Variants in KRT86 observed in about 807,000 individuals in gnomAD.
KRT86 encodes the protein keratin 86, also known as keratin, type II cuticular Hb6.
A neutral mutation model predicts 41.2 loss-of-function variants in KRT86; 30 were observed. The ratio of observed to expected loss-of-function variants is 0.73; its 90% CI spans 0.54 to 0.99. KRT86 has a LOEUF of 0.99. KRT86 is among the 50% of genes least tolerant of loss of function. KRT86 has a pLI of 0.00. For missense variants in KRT86, 561 were observed against 571.4 expected, an observed-to-expected ratio of 0.98 and a Z score of 0.19; for synonymous variants, 238 against 238.1, an observed-to-expected ratio of 1.00 and a Z score of 0.00.
At chr12:52,277,100 A>T (rs1045307433) in intron 2 of KRT86, among the ~76,000 whole-genome samples, 46 of 152,264 alleles carry the variant, frequency 3.0e-4, no homozygotes, top group African/African-American at 1.1e-3. Flanking sequence ...TTTCCTCCTG[A>T]AGAGTATAAA....
chr12:52,305,603 A>G (rs1399087277), intron 7 of KRT86, 60 bp from the exon 8 acceptor site: 6 of 1,613,588 alleles, frequency 3.7e-6, no homozygotes, highest in African/African-American at 2.7e-5. Flanking sequence ...ATCATCTGTC[A>G]TGCCCTGAAT....
chr12:52,286,465 C>T, intron 2 of KRT86: 1 of 1,552,466 alleles, frequency 6.4e-7, no homozygotes, highest in Non-Finnish European at 8.7e-7. Context: ...GGTCCCCGCA[C>T]ACGACCCCGC....
intron 2 of KRT86, among the ~76,000 whole-genome samples, chr12:52,300,820 G>A (rs1481091046): frequency 1.3e-5 from 2 of 152,224 alleles, no homozygotes; most frequent in African/African-American, 2.4e-5. Flanking sequence ...ATGCATAACA[G>A]TGGTGCTCAT....
At chr12:52,299,794 G>T (rs1329702294) in intron 2 of KRT86, among the ~76,000 whole-genome samples, 1 of 152,136 alleles carries the variant, frequency 6.6e-6, no homozygotes, top group South Asian at 2.1e-4. Context: ...AGATTATTTG[G>T]TTTACTTGCT....
At chr12:52,288,844 G>C (rs1489788530) in intron 2 of KRT86, among the ~76,000 whole-genome samples, 6 of 151,864 alleles carry the variant, frequency 4.0e-5, no homozygotes, top group Non-Finnish European at 7.4e-5. Flanking sequence ...CCCTGGGATT[G>C]TGTCTCTGCC....
At chr12:52,286,971 C>T (rs1016878787) in intron 2 of KRT86, 2 of 1,558,746 alleles carry the variant, frequency 1.3e-6, no homozygotes, top group Non-Finnish European at 1.8e-6. Context: ...CACACCAGCC[C>T]TCCCCACACC....
chr12:52,275,791 T>C (rs1448882569), intron 1 of KRT86, 30 bp from the exon 2 acceptor site: 4 of 982,320 alleles, frequency 4.1e-6, no homozygotes, highest in African/African-American at 1.7e-5. Flanking sequence ...ACCTCCTGAC[T>C]ACAGCTCCCC....
rs4076515 is a variant in KRT86 at position 52,308,712 on chromosome 12, C to G, written c.*127C>G. The G allele has an allele frequency of 3.4e-6, 3 of 877,026 alleles. No individual in the cohort carries two copies. In the South Asian group the frequency reaches 4.8e-5, roughly 14 times the overall value. The allele number at this position is 877,026 out of a possible 1,614,324, so 54.3% of individuals were successfully genotyped here. A position where few individuals can be genotyped will look rare whatever the true frequency, so the allele number is the denominator to read the frequency against. ...CGCCCGCTGCCTGCACTCTAAGCGC[C>G]CTCCCCACCGCTCCGCTCCGGGAGC... On this transcript the variant is annotated 3_prime_UTR_variant, in exon 11 of 11. Coordinates refer to ENST00000423955, the MANE Select transcript of KRT86 (RefSeq NM_001320198.2).
chr12:52,293,533 G>A (rs1012408073), intron 2 of KRT86, among the ~76,000 whole-genome samples: 4 of 152,178 alleles, frequency 2.6e-5, no homozygotes, highest in African/African-American at 9.7e-5. Context: ...CAGAGTCAGA[G>A]TGGATTGGGA....
At chr12:52,277,431 C>G (rs1344159043) in intron 2 of KRT86, 1 of 152,240 alleles carries the variant, frequency 6.6e-6, no homozygotes, top group Non-Finnish European at 1.5e-5. Flanking sequence ...AGCCTCAGAG[C>G]AAGGTCTGGA....
chr12:52,300,398 C>T (rs1053843208), intron 2 of KRT86, among the ~76,000 whole-genome samples: 2 of 152,172 alleles, frequency 1.3e-5, no homozygotes, highest in African/African-American at 4.8e-5. Flanking sequence ...GCCCCTGAGC[C>T]CACCGCTTCC....
At position 52,304,918 on chromosome 12, in the gene KRT86, C is replaced by T. The variant is rs1938467613; in HGVS notation, c.640-14C>T. 1 of 1,613,788 alleles carries T rather than the reference C, an allele frequency of 6.2e-7. No homozygotes were observed. Among genetic ancestry groups the T allele is most frequent in the Non-Finnish European group, 8.5e-7 (1 of 1,179,740 alleles). On this transcript the variant is annotated splice_polypyrimidine_tract_variant and intron_variant, in intron 5 of 10. Coordinates refer to ENST00000423955, the MANE Select transcript of KRT86 (RefSeq NM_001320198.2). ...ACCAGGGTCCTTGAGCTCCAACACTCCCCACCTTTCCAGGATGTGGACTGC... is the reference window on the plus strand; with the variant it reads ...ACCAGGGTCCTTGAGCTCCAACACTTCCCACCTTTCCAGGATGTGGACTGC...
In KRT86 at chr12:52,308,484, A is replaced by C; in HGVS notation, c.1360A>C (p.Ser454Arg). 1 of 1,610,280 alleles carries C rather than the reference A, an allele frequency of 6.2e-7. No homozygotes were observed. The highest frequency in any genetic ancestry group is 8.5e-7 in the Non-Finnish European group (1 of 1,179,912). ...TTAPVVSTRV[S>R]SVPSNSNVVV... ...TGCCCCTGTTGTCTCCACCAGAGTC[A>C]GTAGCGTCCCCAGCAACAGCAACGT... The change falls in exon 11 of 11, where the codon AGT becomes CGT. Residue 454 changes from serine to arginine, a missense_variant. Physicochemically the swap from Ser to Arg is moderately radical, Grantham distance 110. Around this residue, in one of 3 missense-constraint regions of KRT86, gnomAD observed 397 missense variants for 375.9 expected, o/e 1.06. Coordinates refer to ENST00000423955, the MANE Select transcript of KRT86 (RefSeq NM_001320198.2).
At chr12:52,293,349 A>T (rs528884129) in intron 2 of KRT86, among the ~76,000 whole-genome samples, 6 of 152,170 alleles carry the variant, frequency 3.9e-5, no homozygotes, top group Non-Finnish European at 5.9e-5. Flanking sequence ...ACTTGCCCGA[A>T]GTCTCCCAGC....
chr12:52,293,817 TGAG>T (rs774603113), intron 2 of KRT86, among the ~76,000 whole-genome samples: 1 of 151,938 alleles, frequency 6.6e-6, no homozygotes, highest in Non-Finnish European at 1.5e-5. Context: ...TGCATTAAAT[TGAG>T]GAGAAGAAAA....
chr12:52,306,520 C>G (rs1938523381), intron 9 of KRT86: 1 of 660,980 alleles, frequency 1.5e-6, no homozygotes, highest in Admixed American at 2.9e-5. Flanking sequence ...AATCTGGCAG[C>G]AGGTATTCCT....
chr12:52,281,535 T>C (rs555859098), intron 2 of KRT86, among the ~76,000 whole-genome samples: 58 of 152,248 alleles, frequency 3.8e-4, no homozygotes, highest in Non-Finnish European at 7.2e-4. Context: ...GGAAGTCTCT[T>C]GTGGAGTCTA....
At chr12:52,277,048 G>C (rs756109181) in intron 2 of KRT86, among the ~76,000 whole-genome samples, 1 of 152,118 alleles carries the variant, frequency 6.6e-6, no homozygotes, top group Admixed American at 6.5e-5. Flanking sequence ...AGCTGTTCTG[G>C]TTCCCCAAGC....
chr12:52,282,323 C>T (rs145011825), intron 2 of KRT86, among the ~76,000 whole-genome samples: 4,336 of 152,048 alleles, frequency 0.029, 195 homozygotes, highest in African/African-American at 0.097. Context: ...AGCTCCGCCT[C>T]CCGGGTTCAC....
Sources: allele counts gnomAD v4.1 joint callset (sites outside exome capture counted in the v4.1 genomes callset), GRCh38; gene constraint gnomAD v4.1.1; regional missense constraint gnomAD v4.1.1; transcripts MANE v1.5; gene names NCBI Gene and HGNC (gene_info 2026-07-23, HGNC 2026-07-21).